TUBB8B: variants seen among roughly 807,000 people sequenced by gnomAD.
The protein encoded by TUBB8B is HSA18p11 beta-tubulin 4Q pseudogene.
In TUBB8B, 26 loss-of-function variants were observed where a neutral mutation model predicts 31.9. The ratio of observed to expected loss-of-function variants is 0.81; its 90% confidence interval spans 0.60 to 1.13. The LOEUF is 1.13. TUBB8B is among the 50% of genes most tolerant of loss of function. TUBB8B has a pLI of 0.00. For synonymous variants in TUBB8B, 173 were observed against 231.0 expected (o/e 0.75, Z 2.28); for missense variants, 467 against 586.7 (o/e 0.80, Z 2.11).
Position 47,497 on chromosome 18 carries a change from C to T in TUBB8B, c.1228G>A (p.Glu410Lys), listed in dbSNP as rs751933713. ...AGGTCGTTCATGTTGCTCTCGGCCT[C>T]GGTGAATTCCATCTCATCCATGCCC... Reference protein sequence around the residue: ...GEGMDEMEFTEAESNMNDLVS... With the variant: ...GEGMDEMEFTKAESNMNDLVS... Residue 410 changes from glutamate to lysine, a missense_variant, in exon 4 of 4, where the codon GAG (glutamate) becomes AAG (lysine). By Grantham distance (56) the Glu-to-Lys change is moderately conservative. Coordinates refer to ENST00000308911, the MANE Select transcript of TUBB8B (RefSeq NM_001358689.2). 1.5e-5 allele frequency: 23 copies of T among 1,573,536 alleles called. No individual in the cohort carries two copies. Among genetic ancestry groups the T allele is most frequent in the African/African-American group, 6.8e-5 (5 of 73,926 alleles).
chr18:59,488 TTTTATCAAATAA>T, the TUBB8B span, among the ~76,000 whole-genome samples: 196 of 151,730 alleles, frequency 1.3e-3, 2 homozygotes, highest in African/African-American at 4.4e-3. Context: ...GAATATTTAA[TTTTATCAAATAA>T]TTTTTTAGCA....
the TUBB8B span, among the ~76,000 whole-genome samples, chr18:61,287 C>T: frequency 2.4e-3 from 362 of 151,420 alleles, 10 homozygotes; most frequent in Non-Finnish European, 2.5e-3. Context: ...TTTTTGGTTT[C>T]TATCGGCATG....
chr18:68,106 GGCCTCTA>G, the TUBB8B span, among the ~76,000 whole-genome samples: 2 of 152,248 alleles, frequency 1.3e-5, no homozygotes, highest in East Asian at 3.9e-4. Context: ...GACTGGGTTT[GGCCTCTA>G]TAGTGAAGTT....
At chr18:55,496 C>A in the TUBB8B span, among the ~76,000 whole-genome samples, 4 of 151,886 alleles carry the variant, frequency 2.6e-5, no homozygotes, top group East Asian at 7.7e-4. Flanking sequence ...AGAGGGGAAG[C>A]AGGCACCTCT....
Position 48,136 on chromosome 18 carries a change from C to A in TUBB8B, c.589G>T (p.Asp197Tyr), listed in dbSNP as rs772442130. 1 of 1,614,054 alleles carries A rather than the reference C, an allele frequency of 6.2e-7. No homozygotes were observed. The highest frequency in any genetic ancestry group is 8.5e-7 in the Non-Finnish European group (1 of 1,179,992). The change falls in exon 4 of 4, where the codon GAT becomes TAT. Residue 197 changes from aspartate to tyrosine, a missense_variant. Asp to Tyr is a radical substitution (Grantham distance 160). Around this residue, in one of 2 missense-constraint regions of TUBB8B, gnomAD observed 259 missense variants for 380.1 expected, o/e 0.68. Transcript: ENST00000308911. ...LSVHQLIENA[D>Y]ETFCIDNEAL... ...TCGTTATCTATGCAGAAGGTCTCATCCGCGTTTTCTATGAGCTGGTGGACT... is the reference window on the plus strand; with the variant it reads ...TCGTTATCTATGCAGAAGGTCTCATACGCGTTTTCTATGAGCTGGTGGACT...
the TUBB8B span, among the ~76,000 whole-genome samples, chr18:70,355 G>C: frequency 6.6e-6 from 1 of 151,830 alleles, no homozygotes; most frequent in African/African-American, 2.4e-5. Flanking sequence ...CCCAGGGACA[G>C]GGCATGGTGG....
chr18:55,117 A>G, the TUBB8B span, among the ~76,000 whole-genome samples: 912 of 150,322 alleles, frequency 6.1e-3, 20 homozygotes, highest in Non-Finnish European at 0.01. Context: ...CTATTTATGT[A>G]TTGAGATGAA....
chr18:70,465 T>A, the TUBB8B span, among the ~76,000 whole-genome samples: 1 of 151,056 alleles, frequency 6.6e-6, no homozygotes, highest in African/African-American at 2.4e-5. Context: ...AAACCCCACC[T>A]CTACTAAAAA....
At chr18:63,888 C>T in the TUBB8B span, among the ~76,000 whole-genome samples, 1 of 150,914 alleles carries the variant, frequency 6.6e-6, no homozygotes, top group African/African-American at 2.4e-5. Flanking sequence ...TAGCCCTAAC[C>T]CTAACCCTAC....
At chr18:63,423 T>C in the TUBB8B span, among the ~76,000 whole-genome samples, 2 of 151,684 alleles carry the variant, frequency 1.3e-5, 1 homozygote, top group Non-Finnish European at 2.9e-5. Context: ...TTCTCTTCCC[T>C]TTCTTTCTCT....
the TUBB8B span, among the ~76,000 whole-genome samples, chr18:67,411 T>C: frequency 6.6e-6 from 1 of 152,226 alleles, no homozygotes; most frequent in Non-Finnish European, 1.5e-5. Context: ...GCCACAATCC[T>C]AGCTCTTCAG....
chr18:70,512 T>A, the TUBB8B span, among the ~76,000 whole-genome samples: 1 of 152,118 alleles, frequency 6.6e-6, no homozygotes, highest in Non-Finnish European at 1.5e-5. Flanking sequence ...GGCGCACACT[T>A]GTAGTCCCAG....
chr18:61,093 T>G, the TUBB8B span, among the ~76,000 whole-genome samples: 8 of 151,816 alleles, frequency 5.3e-5, 1 homozygote, highest in Non-Finnish European at 1.0e-4. Flanking sequence ...ATCTCTTTCT[T>G]TAGCTCTTAT....
chr18:64,691 C>A, the TUBB8B span, among the ~76,000 whole-genome samples: 3 of 152,284 alleles, frequency 2.0e-5, no homozygotes, highest in Non-Finnish European at 4.4e-5. Flanking sequence ...CGCCACTGCA[C>A]TCCACCCTGG....
upstream of TUBB8B, among the ~76,000 whole-genome samples, chr18:50,958 G>A (rs572905182): frequency 2.0e-5 from 3 of 151,926 alleles, no homozygotes; most frequent in Admixed American, 6.6e-5. Flanking sequence ...GGGGTCAGGA[G>A]TCCCCACCCA....
chr18:48,645 T>A, intron 3 of TUBB8B, 198 bp from the exon 4 acceptor site: 1 of 668,396 alleles, frequency 1.5e-6, no homozygotes, highest in East Asian at 2.7e-5. Context: ...GAGTCAAACC[T>A]GAGACGGGTT....
chr18:54,177 G>C (rs970154441), upstream of TUBB8B, among the ~76,000 whole-genome samples: 1 of 151,724 alleles, frequency 6.6e-6, no homozygotes, highest in African/African-American at 2.4e-5. Flanking sequence ...AACCTGAAAA[G>C]CTACTTCAAG....
At chr18:50,033 A>G, upstream of TUBB8B, 1 of 392,708 alleles carries the variant, frequency 2.5e-6, no homozygotes, top group Non-Finnish European at 5.0e-6. Context: ...GGACTTAATT[A>G]TACGTTTTAC....
the TUBB8B span, among the ~76,000 whole-genome samples, chr18:63,312 C>G: frequency 6.6e-6 from 1 of 151,802 alleles, no homozygotes; most frequent in Admixed American, 6.6e-5. Flanking sequence ...ACTTAGGTCC[C>G]AAGCCCAAAA....
Sources: allele counts gnomAD v4.1 joint callset (sites outside exome capture counted in the v4.1 genomes callset), GRCh38; gene constraint gnomAD v4.1.1; regional missense constraint gnomAD v4.1.1; transcripts MANE v1.5; gene names NCBI Gene and HGNC (gene_info 2026-07-23, HGNC 2026-07-21).